The following INPP4B variants were observed in gnomAD, a reference collection of about 807,000 sequenced individuals.
The protein encoded by INPP4B is inositol polyphosphate-4-phosphatase type II B, also known as inositol polyphosphate 4-phosphatase type II.
Under a neutral mutation model 122.5 loss-of-function variants are expected in INPP4B, and 55 were observed. That is an observed-to-expected ratio of 0.45 (90% CI 0.36 to 0.56). The LOEUF (loss-of-function observed/expected upper bound fraction) is 0.56, where lower values mean the gene tolerates loss of function less well. INPP4B is among the 20% of genes least tolerant of loss of function. The pLI is 0.00. For missense variants in INPP4B, 1,000 were observed against 1,097.7 expected (o/e 0.91, Z 1.26); for synonymous variants, 403 against 388.7 (o/e 1.04, Z -0.43).
intron 2 of INPP4B, among the ~76,000 whole-genome samples, chr4:142,722,179 C>T (rs1387780341): frequency 6.6e-6 from 1 of 151,964 alleles, no homozygotes; most frequent in African/African-American, 2.4e-5. Flanking sequence ...GACAGTATGG[C>T]GGATACCACA....
intron 9 of INPP4B, among the ~76,000 whole-genome samples, chr4:142,279,564 T>TAC (rs1750226516): frequency 6.6e-6 from 1 of 151,772 alleles, no homozygotes; most frequent in African/African-American, 2.4e-5. Flanking sequence ...AAACTCTGCT[T>TAC]AAACTTTACA....
chr4:142,839,365 G>A (rs760337352), intron 1 of INPP4B, among the ~76,000 whole-genome samples: 15 of 152,100 alleles, frequency 9.9e-5, no homozygotes, highest in Non-Finnish European at 1.5e-4. Flanking sequence ...GGCTGAGGCA[G>A]GAGAATCACT....
At chr4:142,790,578 T>A (rs954423973) in intron 1 of INPP4B, among the ~76,000 whole-genome samples, 6 of 151,930 alleles carry the variant, frequency 3.9e-5, no homozygotes, top group Non-Finnish European at 1.5e-5. Flanking sequence ...GATGTTGGCA[T>A]GGAAACTAGA....
chr4:142,620,727 A>G (rs1348771129), intron 2 of INPP4B, among the ~76,000 whole-genome samples: 1 of 151,710 alleles, frequency 6.6e-6, no homozygotes, highest in Admixed American at 6.6e-5. Flanking sequence ...GAATTTTACA[A>G]CTATTTAGCA....
chr4:142,038,311 C>T (rs1035515812), intron 25 of INPP4B, among the ~76,000 whole-genome samples: 1 of 152,118 alleles, frequency 6.6e-6, no homozygotes, highest in African/African-American at 2.4e-5. Context: ...CCCATTTAAA[C>T]TGTCTTCTCT....
rs112145812 is a variant in INPP4B, at chr4:142,185,601, C to T, written c.1181+7486G>A. ...TAGTTAAGAAAGAAGTCCTCTTGGC[C>T]GGGCGCGGTGGCTCATGCCGGTAAT... is the stretch of plus-strand genomic sequence containing the variant. On this transcript the variant is annotated intron_variant, in intron 15 of 25. Coordinates refer to ENST00000262992, the MANE Select transcript of INPP4B (RefSeq NM_001101669.3). 3.1e-3 allele frequency among the ~76,000 whole-genome samples: 468 copies of T among 151,604 alleles called. 2 individuals carry two copies. The highest frequency in any genetic ancestry group is 0.01 in the African/African-American group (419 of 41,314).
At chr4:142,351,438 C>A (rs529866122) in intron 7 of INPP4B, among the ~76,000 whole-genome samples, 1 of 151,898 alleles carries the variant, frequency 6.6e-6, no homozygotes, top group South Asian at 2.1e-4. Context: ...AAATAACTGG[C>A]GTGGTTTCTG....
intron 1 of INPP4B, among the ~76,000 whole-genome samples, chr4:142,798,546 A>G (rs1233383783): frequency 6.6e-6 from 1 of 151,872 alleles, no homozygotes; most frequent in African/African-American, 2.4e-5. Flanking sequence ...CCCCCCAAAC[A>G]TGAGGAATAA....
chr4:142,343,614 T>A (rs2151723026), intron 7 of INPP4B, among the ~76,000 whole-genome samples: 1 of 152,204 alleles, frequency 6.6e-6, no homozygotes, highest in East Asian at 1.9e-4. Flanking sequence ...TCCTAGCTGA[T>A]CTAACAGACT....
At chr4:142,233,898 T>C (rs1417756407) in intron 12 of INPP4B, among the ~76,000 whole-genome samples, 15 of 152,140 alleles carry the variant, frequency 9.9e-5, no homozygotes, top group Admixed American at 9.8e-4. Context: ...TTTTCAAGAA[T>C]GTTTGGTGTG....
intron 5 of INPP4B, among the ~76,000 whole-genome samples, chr4:142,423,100 A>T (rs1807288684): frequency 6.6e-6 from 1 of 152,114 alleles, no homozygotes; most frequent in Non-Finnish European, 1.5e-5. Flanking sequence ...CTGGAGTTTT[A>T]AAAAAGTCAG....
At chr4:142,842,506 A>C (rs1783616291) in intron 1 of INPP4B, among the ~76,000 whole-genome samples, 1 of 128,156 alleles carries the variant, frequency 7.8e-6, no homozygotes, top group African/African-American at 2.9e-5. Context: ...TGCCTTATTT[A>C]AAAAACTATT....
chr4:142,310,539 C>T (rs1275923717), intron 8 of INPP4B, among the ~76,000 whole-genome samples: 2 of 152,006 alleles, frequency 1.3e-5, no homozygotes, highest in Non-Finnish European at 2.9e-5. Flanking sequence ...ATATTTTGAC[C>T]TATCATCATA....
At chr4:142,149,982 G>A (rs569654373) in intron 17 of INPP4B, among the ~76,000 whole-genome samples, 3 of 152,330 alleles carry the variant, frequency 2.0e-5, no homozygotes, top group Admixed American at 2.0e-4. Context: ...TGCTAGAGAA[G>A]GGTAAGAAAG....
chr4:142,611,967 C>A (rs1195389292), intron 2 of INPP4B, among the ~76,000 whole-genome samples: 2 of 152,172 alleles, frequency 1.3e-5, no homozygotes, highest in Non-Finnish European at 2.9e-5. Flanking sequence ...CTGCATCTGG[C>A]CTGGAAGTTC....
chr4:142,370,878 A>T (rs1385504785), intron 7 of INPP4B, among the ~76,000 whole-genome samples: 1 of 152,150 alleles, frequency 6.6e-6, no homozygotes, highest in Non-Finnish European at 1.5e-5. Flanking sequence ...TACAGATTAA[A>T]TGCAACCCCT....
chr4:142,030,017 A>C (rs1738789266), intron 25 of INPP4B: 15 of 1,379,556 alleles, frequency 1.1e-5, no homozygotes, highest in Non-Finnish European at 1.2e-5. Context: ...AACACAATTT[A>C]ACATTTTTTA....
intron 1 of INPP4B, among the ~76,000 whole-genome samples, chr4:142,743,138 C>T (rs984022370): frequency 1.3e-5 from 2 of 151,876 alleles, no homozygotes; most frequent in Non-Finnish European, 2.9e-5. Context: ...CAAAAAGTGG[C>T]CAAAATATAT....
chr4:142,625,946 T>C (rs374946822), intron 2 of INPP4B, among the ~76,000 whole-genome samples: 2 of 152,096 alleles, frequency 1.3e-5, no homozygotes, highest in Non-Finnish European at 2.9e-5. Flanking sequence ...AAAGCTGAAA[T>C]TGGATCCCTT....
Sources: gnomAD v4.1 joint callset for allele counts (sites outside exome capture counted in the v4.1 genomes callset) on GRCh38, gnomAD v4.1.1 for gene constraint, MANE v1.5 for transcripts, NCBI Gene and HGNC (gene_info 2026-07-23, HGNC 2026-07-21) for gene names.